Variants in DPY19L2 observed in about 807,000 individuals in gnomAD.
DPY19L2 encodes the protein probable C-mannosyltransferase DPY19L2.
Under a neutral mutation model 97.9 loss-of-function variants are expected in DPY19L2, and 34 were observed. That is an observed-to-expected ratio of 0.35 (90% confidence interval 0.26 to 0.46). The LOEUF is 0.46. Among genes scored for constraint, DPY19L2 ranks in the 20% least tolerant of loss-of-function variants. The probability of loss-of-function intolerance (pLI) is 1.00; values close to 1 mark genes in which losing one functional copy is unlikely to be tolerated. For missense variants in DPY19L2, 623 were observed against 911.4 expected (o/e 0.68, Z 4.07); for synonymous variants, 230 against 307.9 (o/e 0.75, Z 2.65).
At position 63,560,218 on chromosome 12, in the gene DPY19L2, T is replaced by A. The variant is rs1876211578; in HGVS notation, c.*294A>T. 1 of 217,382 alleles carries A rather than the reference T, an allele frequency of 4.6e-6. No homozygotes were observed. Among genetic ancestry groups the A allele is most frequent in the Non-Finnish European group, 9.0e-6 (1 of 110,774 alleles). 13.5% of individuals were successfully genotyped at this position (217,382 alleles called of 1,614,324 possible). A position where few individuals can be genotyped will look rare whatever the true frequency, so the allele number is the denominator to read the frequency against. Reference sequence around the variant, plus strand: ...AAGGACTTACATACCCCTGATTTATTAAAATTCATTGTTCTTTTATATACA... The same window carrying A: ...AAGGACTTACATACCCCTGATTTATAAAAATTCATTGTTCTTTTATATACA... On this transcript the variant is annotated 3_prime_UTR_variant, in exon 22 of 22. Coordinates refer to ENST00000324472, the MANE Select transcript of DPY19L2 (RefSeq NM_173812.5).
chr12:63,666,826 T>C (rs1223125168), intron 1 of DPY19L2, among the ~76,000 whole-genome samples: 3 of 152,204 alleles, frequency 2.0e-5, no homozygotes, highest in Non-Finnish European at 2.9e-5. Flanking sequence ...ATGGTTATCC[T>C]AAATATACTT....
chr12:63,627,686 T>C (rs1164948769), intron 6 of DPY19L2, among the ~76,000 whole-genome samples: 1 of 152,196 alleles, frequency 6.6e-6, no homozygotes, highest in East Asian at 1.9e-4. Flanking sequence ...TGTGATCATG[T>C]CTGTGTATGA....
intron 6 of DPY19L2, among the ~76,000 whole-genome samples, chr12:63,632,349 T>C (rs1890845407): frequency 6.6e-6 from 1 of 152,200 alleles, no homozygotes; most frequent in Non-Finnish European, 1.5e-5. Context: ...CTTAAGCTGA[T>C]AGGCAACTTC....
intron 15 of DPY19L2, among the ~76,000 whole-genome samples, chr12:63,595,619 A>C (rs2137519660): frequency 6.6e-6 from 1 of 152,202 alleles, no homozygotes. Flanking sequence ...TTCTTTAGAC[A>C]TTTGTGTGAT....
intron 8 of DPY19L2, 82 bp downstream of exon 8, chr12:63,623,958 C>A: frequency 8.9e-7 from 1 of 1,120,020 alleles, no homozygotes; most frequent in East Asian, 2.7e-5. Flanking sequence ...CCCACCTCAG[C>A]TTCCCAAAGT....
chr12:63,577,708 A>G (rs1880102895), intron 19 of DPY19L2, among the ~76,000 whole-genome samples: 1 of 152,136 alleles, frequency 6.6e-6, no homozygotes, highest in African/African-American at 2.4e-5. Flanking sequence ...GAGAAATGCA[A>G]ATCAAAACTA....
At chr12:63,645,117 TAAC>T (rs1893232008) in intron 5 of DPY19L2, among the ~76,000 whole-genome samples, 2 of 152,010 alleles carry the variant, frequency 1.3e-5, no homozygotes, top group African/African-American at 2.4e-5. Context: ...AATATGTACT[TAAC>T]AATCATCCCA....
chr12:63,588,745 C>CTTTTTTTTT (rs913709153), intron 16 of DPY19L2, among the ~76,000 whole-genome samples: 115 of 129,882 alleles, frequency 8.9e-4, no homozygotes, highest in Middle Eastern at 4.5e-3. Context: ...AGGAAACTTT[C>CTTTTTTTTT]TTTTTTTTTT....
chr12:63,639,052 TA>T (rs1207737843), intron 6 of DPY19L2, among the ~76,000 whole-genome samples: 2 of 152,064 alleles, frequency 1.3e-5, no homozygotes, highest in East Asian at 3.9e-4. Context: ...TAATGCTGCA[TA>T]TCTACAACCA....
intron 4 of DPY19L2, among the ~76,000 whole-genome samples, chr12:63,653,500 A>T (rs1216854043): frequency 6.6e-6 from 1 of 152,116 alleles, no homozygotes; most frequent in Admixed American, 6.6e-5. Flanking sequence ...GTGAGCTGAG[A>T]TTTCACCACT....
intron 2 of DPY19L2, 105 bp downstream of exon 2, chr12:63,665,730 G>A (rs1345666605): frequency 2.1e-6 from 2 of 958,082 alleles, no homozygotes; most frequent in African/African-American, 1.7e-5. Flanking sequence ...ACATAAAGAT[G>A]TTCTACAAAT....
chr12:63,570,321 C>A (rs1002738961), intron 20 of DPY19L2, among the ~76,000 whole-genome samples: 1 of 152,146 alleles, frequency 6.6e-6, no homozygotes, highest in Non-Finnish European at 1.5e-5. Flanking sequence ...TTCTACCTGT[C>A]ACAAAAAGCT....
At position 63,560,498 on chromosome 12, in the gene DPY19L2, G is replaced by T. The variant is rs1443683296; in HGVS notation, c.*14C>A. ...ACACGGCATTGTGCCATAGTAAAAT[G>T]GGTAGTATCCTTCTCAGTTAACCTT... On this transcript the variant is annotated 3_prime_UTR_variant, in exon 22 of 22. Coordinates refer to ENST00000324472, the MANE Select transcript of DPY19L2 (RefSeq NM_173812.5). The T allele has an allele frequency of 7.4e-6, 12 of 1,610,802 alleles. No homozygotes were observed. The highest frequency in any genetic ancestry group is 1.1e-5 in the South Asian group (1 of 90,484).
At chr12:63,615,024 C>T (rs1362909409) in intron 11 of DPY19L2, among the ~76,000 whole-genome samples, 3 of 152,174 alleles carry the variant, frequency 2.0e-5, no homozygotes, top group East Asian at 3.9e-4. Flanking sequence ...ATACATGACA[C>T]AAGTATGCTA....
intron 19 of DPY19L2, among the ~76,000 whole-genome samples, chr12:63,575,596 A>G (rs574447452): frequency 2.0e-5 from 3 of 152,112 alleles, no homozygotes; most frequent in African/African-American, 7.2e-5. Context: ...AAATAAAATC[A>G]GAGGTAATAA....
chr12:63,618,079 CA>C, intron 10 of DPY19L2, 71 bp downstream of exon 10: 1 of 1,331,132 alleles, frequency 7.5e-7, no homozygotes, highest in South Asian at 1.3e-5. Context: ...CCGTATAAAA[CA>C]GAATCACTTC....
chr12:63,569,298 T>A lies in DPY19L2; in HGVS notation c.2052A>T (p.Glu684Asp), dbSNP rs1878355088. The A allele has an allele frequency of 2.5e-6, 4 of 1,600,306 alleles. No homozygotes were observed. The highest frequency in any genetic ancestry group is 3.4e-6 in the Non-Finnish European group (4 of 1,174,692). Residue 684 changes from glutamate to aspartate, a missense_variant, in exon 21 of 22, where the codon GAA becomes GAT. Coordinates refer to ENST00000324472, the MANE Select transcript of DPY19L2 (RefSeq NM_173812.5). Reference sequence around the variant, plus strand: ...GTAACTCCAACAATTTATCTCTTACTTCTTTGGCAGATTTTCGACTATATG... The same window carrying A: ...GTAACTCCAACAATTTATCTCTTACATCTTTGGCAGATTTTCGACTATATG... Reference protein sequence around the residue: ...YSTYSRKSAKEVRDKLLELHV... With the variant: ...YSTYSRKSAKDVRDKLLELHV...
At chr12:63,665,588 G>T (rs143017000) in intron 2 of DPY19L2, among the ~76,000 whole-genome samples, 4,936 of 152,138 alleles carry the variant, frequency 0.032, 114 homozygotes, top group Middle Eastern at 0.088. Context: ...TTAAAGAAAC[G>T]TGTGGTGAAT....
In DPY19L2 at chr12:63,624,690, T is replaced by C. The variant is rs562451041; in HGVS notation, c.862-559A>G. Among the ~76,000 whole-genome samples the C allele has an allele frequency of 5.0e-4, 76 of 152,300 alleles. 1 individual carries two copies. Among genetic ancestry groups the C allele is most frequent in the African/African-American group, 1.8e-3 (76 of 41,560 alleles). ...AAAACAACTAGAAGTATTTGGGAAC[T>C]ACAAATGTGATGCAAGTAATAAAGG... On this transcript the variant is annotated intron_variant, in intron 7 of 21. Coordinates refer to ENST00000324472, the MANE Select transcript of DPY19L2 (RefSeq NM_173812.5).
Sources: allele counts gnomAD v4.1 joint callset (sites outside exome capture counted in the v4.1 genomes callset), GRCh38; gene constraint gnomAD v4.1.1; transcripts MANE v1.5; gene names NCBI Gene and HGNC (gene_info 2026-07-23, HGNC 2026-07-21).